The following PARD3B variants were observed in gnomAD, a reference collection of about 807,000 sequenced individuals.
PARD3B encodes the protein par-3 family cell polarity regulator beta, also known as partitioning defective 3 homolog B.
A neutral mutation model predicts 130.2 loss-of-function variants in PARD3B; 103 were observed. The observed-to-expected ratio is 0.79, with a 90% CI of 0.67 to 0.93. PARD3B has a LOEUF of 0.93. Ranked by LOEUF, PARD3B falls within the 40% of genes least tolerant of loss-of-function variation. The pLI, the probability that PARD3B is intolerant of heterozygous loss-of-function variation, is 0.00. For synonymous variants in PARD3B, 583 were observed against 553.2 expected, an observed-to-expected ratio of 1.05 and a Z score of -0.76; for missense variants, 1,609 against 1,499.2, an observed-to-expected ratio of 1.07 and a Z score of -1.21.
intron 19 of PARD3B, among the ~76,000 whole-genome samples, chr2:205,411,292 G>A (rs2046588298): frequency 6.6e-6 from 1 of 152,124 alleles, no homozygotes; most frequent in Non-Finnish European, 1.5e-5. Context: ...GTCTGTAGTT[G>A]AACCTAAGGA....
chr2:204,638,448 G>A (rs969928466), intron 1 of PARD3B, among the ~76,000 whole-genome samples: 2 of 152,160 alleles, frequency 1.3e-5, no homozygotes, highest in African/African-American at 4.8e-5. Context: ...GCAATGTGCT[G>A]AATTGATTTT....
Position 205,553,298 on chromosome 2 carries a change from A to T in PARD3B, c.3181-26A>T, listed in dbSNP as rs1429574252. On this transcript the variant is annotated intron_variant, in intron 21 of 22. Transcript: ENST00000406610. ...TAACCAAGGTGTATAATGGATCTTCATCTCTAATTGCTTTTCTCTCCACAG... is the reference window on the plus strand; with the variant it reads ...TAACCAAGGTGTATAATGGATCTTCTTCTCTAATTGCTTTTCTCTCCACAG... The T allele has an allele frequency of 2.5e-6, 4 of 1,599,924 alleles. No homozygotes were observed. The South Asian group carries it at 4.4e-5, about 18-fold the overall frequency.
chr2:204,745,646 G>C (rs1026957190), intron 2 of PARD3B, among the ~76,000 whole-genome samples: 2 of 152,008 alleles, frequency 1.3e-5, no homozygotes, highest in Non-Finnish European at 2.9e-5. Flanking sequence ...CAAGTGGTCT[G>C]CCTGTCTTAG....
In PARD3B at chr2:205,469,771, C is replaced by T. The variant is rs573639822; in HGVS notation, c.3044+29099C>T. On this transcript the variant is annotated intron_variant, in intron 20 of 22. Coordinates refer to ENST00000406610, the MANE Select transcript of PARD3B (RefSeq NM_001302769.2). The stretch of plus-strand genomic sequence containing the variant: ...ATTAGCAAAATTTAGAAGTTAGCAT[C>T]AAATAGAAGTCCTCTAGTTATTCTC... Among the ~76,000 whole-genome samples the T allele has an allele frequency of 3.3e-5, 5 of 152,336 alleles. No individual in the cohort carries two copies. In the South Asian group the frequency reaches 6.2e-4, roughly 19 times the overall value.
intron 2 of PARD3B, among the ~76,000 whole-genome samples, chr2:204,857,197 A>C (rs983649638): frequency 1.3e-5 from 2 of 152,120 alleles, no homozygotes; most frequent in South Asian, 4.1e-4. Context: ...TCTTTTTTCA[A>C]CTTTCTTCAG....
Position 205,615,732 on chromosome 2 carries a change from GC to G in PARD3B, c.3541del (p.Arg1181ValfsTer21), listed in dbSNP as rs2055409391. ...PAYQETGRPG[P>X]RGGSPDQYPY... ...CCTATCAGGAAACAGGCAGACCAGGGCCCCGTGGGGGCAGCCCAGACCAGTA... is the reference window on the plus strand; with the variant it reads ...CCTATCAGGAAACAGGCAGACCAGGGCCCGTGGGGGCAGCCCAGACCAGTA... On this transcript the variant is annotated frameshift_variant, in exon 23 of 23. Transcript: ENST00000406610. LOFTEE classifies it high-confidence loss of function. 1.2e-6 allele frequency: 2 copies of G among 1,613,954 alleles called. No individual in the cohort carries two copies. The highest frequency in any genetic ancestry group is 1.7e-6 in the Non-Finnish European group (2 of 1,180,026).
intron 1 of PARD3B, among the ~76,000 whole-genome samples, chr2:204,624,016 A>G (rs897132129): frequency 6.6e-6 from 1 of 152,176 alleles, no homozygotes; most frequent in Non-Finnish European, 1.5e-5. Flanking sequence ...TGGTATGTAT[A>G]TACTACATTT....
chr2:204,747,975 A>G (rs1237164214), intron 2 of PARD3B, among the ~76,000 whole-genome samples: 1 of 152,110 alleles, frequency 6.6e-6, no homozygotes, highest in Non-Finnish European at 1.5e-5. Context: ...GTTGAGTAAG[A>G]CTACTCCCAG....
chr2:204,924,280 C>CAA (rs1382703346), intron 2 of PARD3B, among the ~76,000 whole-genome samples: 9 of 152,034 alleles, frequency 5.9e-5, no homozygotes, highest in Admixed American at 5.9e-4. Flanking sequence ...AAGATACTTT[C>CAA]TTCTTCATGC....
At chr2:205,370,595 G>A (rs1195849737) in intron 18 of PARD3B, among the ~76,000 whole-genome samples, 6 of 152,152 alleles carry the variant, frequency 3.9e-5, no homozygotes, top group African/African-American at 1.4e-4. Flanking sequence ...TCTACCAATT[G>A]CCAGGAGGAA....
chr2:204,609,177 T>C (rs894135629), intron 1 of PARD3B, among the ~76,000 whole-genome samples: 2 of 152,198 alleles, frequency 1.3e-5, no homozygotes, highest in African/African-American at 4.8e-5. Context: ...TTTTTAAAAT[T>C]AAGTCTTTGA....
At chr2:204,684,334 A>G (rs1250071870) in intron 1 of PARD3B, among the ~76,000 whole-genome samples, 4 of 152,310 alleles carry the variant, frequency 2.6e-5, no homozygotes, top group South Asian at 4.1e-4. Flanking sequence ...AAATCAACAG[A>G]TTTCATCTAC....
chr2:204,664,924 A>G lies in PARD3B; in HGVS notation c.121-21257A>G, dbSNP rs114389744. Among the ~76,000 whole-genome samples the G allele has an allele frequency of 9.9e-3, 1,514 of 152,280 alleles. 9 individuals carry two copies. The highest frequency in any genetic ancestry group is 0.016 in the Non-Finnish European group (1,081 of 68,032). On this transcript the variant is annotated intron_variant, in intron 1 of 22. Transcript: ENST00000406610. This position sits in a 1 kb window ranked among gnomAD's most constrained non-coding sequence, Gnocchi z 5.2. The stretch of plus-strand genomic sequence containing the variant: ...TTGGGCATTAGTTTAAAAGCCTAGC[A>G]TTTAATAGGAACTTTGGCATATGTA...
At position 205,401,003 on chromosome 2, in the gene PARD3B, G is replaced by C. The variant is rs372362225; in HGVS notation, c.2631-10G>C. On this transcript the variant is annotated splice_polypyrimidine_tract_variant and intron_variant, in intron 18 of 22. Coordinates refer to ENST00000406610, the MANE Select transcript of PARD3B (RefSeq NM_001302769.2). ...TATTGTTAACAGCCTTCTCCTTCAC[G>C]TTTCACTAGATTTGGAAAGAAGAAA... is the stretch of plus-strand genomic sequence containing the variant. The C allele has an allele frequency of 1.9e-6, 3 of 1,575,224 alleles. No homozygotes were observed. The highest frequency in any genetic ancestry group is 1.2e-5 in the South Asian group (1 of 86,154).
At chr2:205,409,920 T>C (rs946815397) in intron 19 of PARD3B, among the ~76,000 whole-genome samples, 1 of 152,218 alleles carries the variant, frequency 6.6e-6, no homozygotes, top group Non-Finnish European at 1.5e-5. Flanking sequence ...TAAATTTCGC[T>C]GATCCAGGAT....
chr2:205,056,219 T>A (rs1042090875), intron 4 of PARD3B, among the ~76,000 whole-genome samples: 3 of 152,034 alleles, frequency 2.0e-5, no homozygotes, highest in East Asian at 1.9e-4. Context: ...TTTTTTTTTT[T>A]ATCACAGCAT....
At chr2:205,607,231 A>G (rs2105779587) in intron 22 of PARD3B, among the ~76,000 whole-genome samples, 1 of 146,214 alleles carries the variant, frequency 6.8e-6, no homozygotes, top group East Asian at 2.0e-4. Flanking sequence ...CAGCCAAAGT[A>G]CCCATTGGAA....
At chr2:204,908,533 CT>C (rs1274629646) in intron 2 of PARD3B, among the ~76,000 whole-genome samples, 5 of 152,162 alleles carry the variant, frequency 3.3e-5, no homozygotes, top group Non-Finnish European at 7.4e-5. Context: ...CACTACTATA[CT>C]TTTCTTTGTA....
intron 2 of PARD3B, among the ~76,000 whole-genome samples, chr2:204,909,622 G>A (rs921017918): frequency 6.6e-6 from 1 of 152,098 alleles, no homozygotes; most frequent in African/African-American, 2.4e-5. Flanking sequence ...GTTCTCACTT[G>A]TAAAATGAAG....
Sources: gnomAD v4.1 joint callset for allele counts (sites outside exome capture counted in the v4.1 genomes callset) on GRCh38, gnomAD v4.1.1 for gene constraint, Gnocchi (gnomAD v3.1) non-coding constraint, MANE v1.5 for transcripts, NCBI Gene and HGNC (gene_info 2026-07-23, HGNC 2026-07-21) for gene names.